The following LTV1 variants were observed in gnomAD, a reference collection of about 807,000 sequenced individuals.
The protein encoded by LTV1 is LTV1 ribosome biogenesis factor, also known as protein LTV1 homolog.
LTV1 carries 39 observed loss-of-function variants against 59.9 expected under a neutral mutation model. The ratio of observed to expected loss-of-function variants is 0.65; its 90% CI spans 0.50 to 0.85. The LOEUF (loss-of-function observed/expected upper bound fraction) is 0.85, where lower values mean the gene tolerates loss of function less well. Ranked by LOEUF, LTV1 falls within the 40% of genes least tolerant of loss-of-function variation. The pLI, the probability that LTV1 is intolerant of heterozygous loss-of-function variation, is 0.00. For missense variants in LTV1, 493 were observed against 549.1 expected, an observed-to-expected ratio of 0.90 and a Z score of 1.02; for synonymous variants, 171 against 189.5, an observed-to-expected ratio of 0.90 and a Z score of 0.80.
intron 7 of LTV1, among the ~76,000 whole-genome samples, chr6:143,861,655 T>C (rs1423567483): frequency 6.6e-6 from 1 of 152,160 alleles, no homozygotes; most frequent in East Asian, 1.9e-4. Flanking sequence ...CAAATCAGCA[T>C]CCACATCAAG....
At chr6:143,856,225 C>A (rs957745812) in intron 4 of LTV1, among the ~76,000 whole-genome samples, 2 of 152,138 alleles carry the variant, frequency 1.3e-5, no homozygotes, top group Non-Finnish European at 2.9e-5. Flanking sequence ...TTGATCAATT[C>A]GGCTATTGAT....
Position 143,862,058 on chromosome 6 carries a change from C to A in LTV1, c.924-46C>A. 1 of 1,582,250 alleles carries A rather than the reference C, an allele frequency of 6.3e-7. No homozygotes were observed. The highest frequency in any genetic ancestry group is 8.6e-7 in the Non-Finnish European group (1 of 1,166,010). ...TTAGTGACATAGTATAATAATAGGT[C>A]ATTTTTCCCCCTCTTGGTCTTCACT... On this transcript the variant is annotated intron_variant, in intron 7 of 10. Coordinates refer to ENST00000367576, the MANE Select transcript of LTV1 (RefSeq NM_032860.5). The surrounding 1 kb of genome is among the most constrained non-coding windows in gnomAD (Gnocchi z 4.2).
intron 3 of LTV1, among the ~76,000 whole-genome samples, chr6:143,849,476 T>G (rs1014673381): frequency 2.6e-5 from 4 of 152,220 alleles, no homozygotes; most frequent in African/African-American, 9.6e-5. Context: ...ATTTAAACTT[T>G]CCTAGTTTTT....
chr6:143,862,074 G>A lies in LTV1; in HGVS notation c.924-30G>A. Reference sequence around the variant, plus strand: ...ATAATAGGTCATTTTTCCCCCTCTTGGTCTTCACTTTTAAAAACTCGTCTA... The same window carrying A: ...ATAATAGGTCATTTTTCCCCCTCTTAGTCTTCACTTTTAAAAACTCGTCTA... On this transcript the variant is annotated intron_variant, in intron 7 of 10. Coordinates refer to ENST00000367576, the MANE Select transcript of LTV1 (RefSeq NM_032860.5). The surrounding 1 kb of genome is among the most constrained non-coding windows in gnomAD (Gnocchi z 4.2). The A allele has an allele frequency of 6.3e-7, 1 of 1,597,844 alleles. No individual in the cohort carries two copies. Among genetic ancestry groups the A allele is most frequent in the Non-Finnish European group, 8.5e-7 (1 of 1,173,932 alleles).
At position 143,855,610 on chromosome 6, in the gene LTV1, C is replaced by T. The variant is rs1190193501; in HGVS notation, c.398-1693C>T. 2.0e-5 allele frequency among the ~76,000 whole-genome samples: 3 copies of T among 152,146 alleles called. No individual in the cohort carries two copies. Among genetic ancestry groups the T allele is most frequent in the Non-Finnish European group, 4.4e-5 (3 of 68,036 alleles). On this transcript the variant is annotated intron_variant, in intron 4 of 10. Transcript: ENST00000367576. The surrounding 1 kb of genome is among the most constrained non-coding windows in gnomAD (Gnocchi z 4.6). ...TTTTCCTTTCCATATTTAGTGCTTC[C>T]TTCAGGAGCTCTTGTAAGGCAGGCC...
At chr6:143,860,266 T>C (rs1448756220) in intron 6 of LTV1, among the ~76,000 whole-genome samples, 160 bp from the exon 7 acceptor site, 2 of 152,224 alleles carry the variant, frequency 1.3e-5, no homozygotes, top group Non-Finnish European at 2.9e-5. Context: ...TTCCACATCC[T>C]ATTGTTGCAT....
intron 6 of LTV1, among the ~76,000 whole-genome samples, chr6:143,859,281 C>T (rs1777125399): frequency 6.6e-6 from 1 of 152,170 alleles, no homozygotes; most frequent in Non-Finnish European, 1.5e-5. Flanking sequence ...AACCTATAGA[C>T]TGTTTATACA....
chr6:143,857,252 T>G lies in LTV1; in HGVS notation c.398-51T>G, dbSNP rs1486266972. 6.2e-7 allele frequency: 1 copy of G among 1,604,822 alleles called. No individual in the cohort carries two copies. Among genetic ancestry groups the G allele is most frequent in the Non-Finnish European group, 8.5e-7 (1 of 1,173,366 alleles). On this transcript the variant is annotated intron_variant, in intron 4 of 10. Coordinates refer to ENST00000367576, the MANE Select transcript of LTV1 (RefSeq NM_032860.5). The surrounding 1 kb of genome is among the most constrained non-coding windows in gnomAD (Gnocchi z 5.2). ...GTCCTTATATTGTGAGTTAAGTGAA[T>G]GAATTGTTGCTATCTTGGGAATTAC...
intron 4 of LTV1, among the ~76,000 whole-genome samples, chr6:143,851,293 T>A (rs1478015773): frequency 6.6e-6 from 1 of 152,186 alleles, no homozygotes; most frequent in Admixed American, 6.5e-5. Flanking sequence ...CAGGGCTAAG[T>A]CCTAAGCAGT....
At chr6:143,843,736 C>A (rs1776841939) in intron 1 of LTV1, among the ~76,000 whole-genome samples, 1 of 152,130 alleles carries the variant, frequency 6.6e-6, no homozygotes, top group South Asian at 2.1e-4. Flanking sequence ...GAGCCTGCAG[C>A]CCTGCGTGAT....
chr6:143,843,520 GT>G (rs765448116), intron 1 of LTV1, 40 bp downstream of exon 1: 5 of 1,612,966 alleles, frequency 3.1e-6, no homozygotes, highest in Non-Finnish European at 4.2e-6. Context: ...GAGCGCTGTG[GT>G]TTTGCAGAGG....
chr6:143,854,474 G>C (rs1314856632), intron 4 of LTV1, among the ~76,000 whole-genome samples: 1 of 151,540 alleles, frequency 6.6e-6, no homozygotes, highest in Non-Finnish European at 1.5e-5. Flanking sequence ...TTTTAGTTAT[G>C]TCTTGTCTTC....
chr6:143,854,965 C>T (rs1446064382), intron 4 of LTV1, among the ~76,000 whole-genome samples: 1 of 152,186 alleles, frequency 6.6e-6, no homozygotes, highest in Non-Finnish European at 1.5e-5. Flanking sequence ...ATTAGGTCTG[C>T]TTGGTCCAGG....
Position 143,843,569 on chromosome 6 carries a change from C to CG in LTV1, c.3+92dup. On this transcript the variant is annotated intron_variant, in intron 1 of 10. Transcript: ENST00000367576. Reference sequence around the variant, plus strand: ...CGGTAATACCTTGGCTACTGCGGCCCGGGTCTGGGTCATGCCAGAGGCTGC... The same window carrying CG: ...CGGTAATACCTTGGCTACTGCGGCCCGGGGTCTGGGTCATGCCAGAGGCTGC... The CG allele has an allele frequency of 5.2e-6, 8 of 1,550,900 alleles. No individual in the cohort carries two copies. The South Asian group carries it at 9.1e-5, about 18-fold the overall frequency.
In LTV1 at chr6:143,844,571, C is replaced by T. The variant is rs761035778; in HGVS notation, c.89C>T (p.Ala30Val). ...CACCGGAGCCAACGAGATCCTTTAG[C>T]AGCAGATGAGAGTGCACCCCAGAGG... ...LVHRSQRDPLAADESAPQRVL... is the reference protein window; with the variant it reads ...LVHRSQRDPLVADESAPQRVL... The change falls in exon 2 of 11, where the codon GCA becomes GTA. Residue 30 changes from alanine (A) to valine (V), a missense_variant. Transcript: ENST00000367576. 1.9e-6 allele frequency: 3 copies of T among 1,613,934 alleles called. No homozygotes were observed. The highest frequency in any genetic ancestry group is 2.5e-6 in the Non-Finnish European group (3 of 1,180,008).
Position 143,863,547 on chromosome 6 carries a change from A to G in LTV1, c.*20A>G. 1 of 1,524,174 alleles carries G rather than the reference A, an allele frequency of 6.6e-7. No homozygotes were observed. Among genetic ancestry groups the G allele is most frequent in the East Asian group, 2.3e-5 (1 of 44,244 alleles). The allele number at this position is 1,524,174 out of a possible 1,614,324, so 94.4% of individuals were successfully genotyped here. A position where few individuals can be genotyped will look rare whatever the true frequency, so the allele number is the denominator to read the frequency against. ...CTATAGACAGTGGAGCATACAGGGC[A>G]AGGCACTTTATTAGGGGCTCCTCAT... On this transcript the variant is annotated 3_prime_UTR_variant, in exon 11 of 11. Coordinates refer to ENST00000367576, the MANE Select transcript of LTV1 (RefSeq NM_032860.5). This position sits in a 1 kb window ranked among gnomAD's most constrained non-coding sequence, Gnocchi z 4.5.
chr6:143,857,214 C>T lies in LTV1; in HGVS notation c.398-89C>T, dbSNP rs1777091142. 1 of 1,442,812 alleles carries T rather than the reference C, an allele frequency of 6.9e-7. No homozygotes were observed. 89.4% of individuals were successfully genotyped at this position (1,442,812 alleles called of 1,614,324 possible). A position where few individuals can be genotyped will look rare whatever the true frequency, so the allele number is the denominator to read the frequency against. On this transcript the variant is annotated intron_variant, in intron 4 of 10. Coordinates refer to ENST00000367576, the MANE Select transcript of LTV1 (RefSeq NM_032860.5). The surrounding 1 kb of genome is among the most constrained non-coding windows in gnomAD (Gnocchi z 5.2). ...TTTATCCTCAATATATTAATAGACT[C>T]TTGCTATCATAGGTCCTTATATTGT... is the stretch of plus-strand genomic sequence containing the variant.
intron 4 of LTV1, among the ~76,000 whole-genome samples, chr6:143,853,813 G>A (rs1481552844): frequency 1.3e-5 from 2 of 152,180 alleles, no homozygotes; most frequent in African/African-American, 4.8e-5. Context: ...ACTTGATTGT[G>A]GTGAATAAGC....
chr6:143,852,944 C>T (rs1182333000), intron 4 of LTV1, among the ~76,000 whole-genome samples: 2 of 152,082 alleles, frequency 1.3e-5, no homozygotes, highest in East Asian at 1.9e-4. Context: ...GTTTTGGTAC[C>T]AGTACCATGC....
Sources: gnomAD v4.1 joint callset for allele counts (sites outside exome capture counted in the v4.1 genomes callset) on GRCh38, gnomAD v4.1.1 for gene constraint, Gnocchi (gnomAD v3.1) non-coding constraint, MANE v1.5 for transcripts, NCBI Gene and HGNC (gene_info 2026-07-23, HGNC 2026-07-21) for gene names.